The following ADNP variants were observed in gnomAD, a reference collection of about 807,000 sequenced individuals.
The protein encoded by ADNP is activity-dependent neuroprotector homeobox protein.
ADNP carries 4 observed loss-of-function variants against 84.9 expected under a neutral mutation model. The observed-to-expected ratio is 0.05, with a 90% CI of 0.02 to 0.11. The LOEUF (loss-of-function observed/expected upper bound fraction) is 0.11, where lower values mean the gene tolerates loss of function less well. Ranked by LOEUF, ADNP falls within the 10% of genes least tolerant of loss-of-function variation. The pLI, the probability that ADNP is intolerant of heterozygous loss-of-function variation, is 1.00. For missense variants in ADNP, 1,132 were observed against 1,326.0 expected, an observed-to-expected ratio of 0.85 and a Z score of 2.27; for synonymous variants, 554 against 468.1, an observed-to-expected ratio of 1.18 and a Z score of -2.37.
At chr20:50,927,489 C>A (rs1473432574) in intron 2 of ADNP, among the ~76,000 whole-genome samples, 1 of 151,992 alleles carries the variant, frequency 6.6e-6, no homozygotes, top group East Asian at 1.9e-4. Context: ...TTAATTGAAC[C>A]TTTTACTATA....
chr20:50,922,574 C>T (rs1441158830), intron 2 of ADNP, among the ~76,000 whole-genome samples: 2 of 136,598 alleles, frequency 1.5e-5, no homozygotes, highest in East Asian at 4.2e-4. Flanking sequence ...CCCAGTCCTC[C>T]TGCGTTTTTT....
rs1295664275 is a variant in ADNP at position 50,931,253 on chromosome 20, G to C, written c.-692C>G. On this transcript the variant is annotated 5_prime_UTR_variant, in exon 1 of 6. Coordinates refer to ENST00000621696, the MANE Select transcript of ADNP (RefSeq NM_001282531.3). ...GGGGGCACAAGATGGCGGCGGCCGG[G>C]GGGGGGGGGGCGGGAGTTCAGCTCA... is the stretch of plus-strand genomic sequence containing the variant. 1 of 110,574 alleles carries C rather than the reference G, an allele frequency of 9.0e-6. No homozygotes were observed. Among genetic ancestry groups the C allele is most frequent in the Non-Finnish European group, 2.0e-5 (1 of 51,036 alleles). 6.8% of individuals were successfully genotyped at this position (110,574 alleles called of 1,614,324 possible). A position where few individuals can be genotyped will look rare whatever the true frequency, so the allele number is the denominator to read the frequency against.
intron 5 of ADNP, among the ~76,000 whole-genome samples, chr20:50,901,333 A>C (rs1981962549): frequency 6.6e-6 from 1 of 150,990 alleles, no homozygotes; most frequent in African/African-American, 2.4e-5. Flanking sequence ...AAAAAAAAAA[A>C]AAAAAAAAAA....
chr20:50,894,645 A>AG, intron 5 of ADNP, 133 bp from the exon 6 acceptor site: 1 of 987,402 alleles, frequency 1.0e-6, no homozygotes, highest in Non-Finnish European at 1.4e-6. Flanking sequence ...CTGTAATCCC[A>AG]GCACTTTGGG....
intron 3 of ADNP, chr20:50,904,219 A>T (rs754126404): frequency 1.9e-6 from 1 of 531,380 alleles, no homozygotes; most frequent in South Asian, 2.1e-5. Flanking sequence ...CTTAAGACAG[A>T]GTCTTACTCT....
chr20:50,918,090 T>G (rs1460868790), intron 2 of ADNP, among the ~76,000 whole-genome samples: 1 of 152,142 alleles, frequency 6.6e-6, no homozygotes, highest in Non-Finnish European at 1.5e-5. Context: ...GTATAGAGTT[T>G]CAGTTCTGCA....
chr20:50,914,337 GA>G, intron 2 of ADNP: 1 of 670,038 alleles, frequency 1.5e-6, no homozygotes, highest in Non-Finnish European at 2.8e-6. Context: ...AAGAAGAAAA[GA>G]AACCCCACAA....
chr20:50,890,892 G>A lies in ADNP; in HGVS notation c.*513C>T. The A allele has an allele frequency of 1.0e-6, 1 of 977,838 alleles. No individual in the cohort carries two copies. The highest frequency in any genetic ancestry group is 1.2e-6 in the Non-Finnish European group (1 of 822,914). The allele number at this position is 977,838 out of a possible 1,614,324, so 60.6% of individuals were successfully genotyped here. ...ACACTAAAAAAAGAAATCTATGATG[G>A]GCACACAGTAACAGGATCATGAGCA... On this transcript the variant is annotated 3_prime_UTR_variant, in exon 6 of 6. Coordinates refer to ENST00000621696, the MANE Select transcript of ADNP (RefSeq NM_001282531.3).
chr20:50,908,640 G>A (rs1205865470), intron 2 of ADNP, among the ~76,000 whole-genome samples: 1 of 152,042 alleles, frequency 6.6e-6, no homozygotes, highest in Non-Finnish European at 1.5e-5. Flanking sequence ...TAGGCGTGGT[G>A]GTGGGCACCT....
chr20:50,915,933 T>C (rs540160285), intron 2 of ADNP, among the ~76,000 whole-genome samples: 1 of 152,308 alleles, frequency 6.6e-6, no homozygotes, highest in South Asian at 2.1e-4. Flanking sequence ...ACACTCTTAA[T>C]AAAGATAAGC....
chr20:50,929,818 CAG>C (rs1343542671), intron 1 of ADNP, among the ~76,000 whole-genome samples: 6 of 151,962 alleles, frequency 3.9e-5, no homozygotes, highest in South Asian at 2.1e-4. Flanking sequence ...ATGACAAACA[CAG>C]AAACAGTTTG....
intron 2 of ADNP, among the ~76,000 whole-genome samples, chr20:50,925,160 T>G (rs1443263406): frequency 6.6e-6 from 1 of 152,046 alleles, no homozygotes; most frequent in Non-Finnish European, 1.5e-5. Context: ...AAAACAGTAA[T>G]ATGAATTTTG....
intron 2 of ADNP, chr20:50,914,069 C>T (rs1983307948): frequency 8.1e-6 from 6 of 740,520 alleles, no homozygotes; most frequent in Admixed American, 3.8e-5. Flanking sequence ...CATGCAGCTT[C>T]CAAAAACAGG....
chr20:50,894,516 A>C lies in ADNP; in HGVS notation c.202-4T>G. The stretch of plus-strand genomic sequence containing the variant: ...AGAAAGGTTTTGTCCGATAGTCCTA[A>C]AGTAAACACAAAAACTAGAATTAGA... On this transcript the variant is annotated splice_region_variant and splice_polypyrimidine_tract_variant and intron_variant, in intron 5 of 5. Transcript: ENST00000621696. The C allele has an allele frequency of 6.4e-7, 1 of 1,567,174 alleles. No individual in the cohort carries two copies. Among genetic ancestry groups the C allele is most frequent in the Non-Finnish European group, 8.6e-7 (1 of 1,163,238 alleles).
intron 2 of ADNP, among the ~76,000 whole-genome samples, chr20:50,927,498 T>TA (rs1248251615): frequency 6.6e-6 from 1 of 152,132 alleles, no homozygotes; most frequent in Non-Finnish European, 1.5e-5. Flanking sequence ...CCTTTTACTA[T>TA]ACTTTAATGA....
At chr20:50,901,832 A>G (rs1982014532) in intron 5 of ADNP, among the ~76,000 whole-genome samples, 185 bp downstream of exon 5, 1 of 152,228 alleles carries the variant, frequency 6.6e-6, no homozygotes, top group South Asian at 2.1e-4. Flanking sequence ...TTTTAGTCCA[A>G]TGACAAAAAA....
intron 2 of ADNP, chr20:50,913,923 A>ATT (rs1439893939): frequency 3.0e-6 from 2 of 660,862 alleles, no homozygotes; most frequent in African/African-American, 3.7e-5. Flanking sequence ...AGTGCCAGTG[A>ATT]ATGATAAAGA....
intron 2 of ADNP, chr20:50,905,095 C>T (rs6067589): frequency 6.6e-6 from 1 of 152,064 alleles, no homozygotes; most frequent in African/African-American, 2.4e-5. Flanking sequence ...TTTTAATGAC[C>T]TAATACATTA....
chr20:50,907,220 C>T (rs553004352), intron 2 of ADNP, among the ~76,000 whole-genome samples: 58 of 151,592 alleles, frequency 3.8e-4, no homozygotes, highest in African/African-American at 1.4e-3. Flanking sequence ...TCTTGTGATC[C>T]GCCCATCTCA....
Sources: allele counts gnomAD v4.1 joint callset (sites outside exome capture counted in the v4.1 genomes callset), GRCh38; gene constraint gnomAD v4.1.1; transcripts MANE v1.5; gene names NCBI Gene and HGNC (gene_info 2026-07-23, HGNC 2026-07-21).